Variants in NCOR2 observed in about 807,000 individuals in gnomAD.
NCOR2 encodes nuclear receptor corepressor 2.
NCOR2 carries 81 observed loss-of-function variants against 262.9 expected under a neutral mutation model. That is an observed-to-expected ratio of 0.31 (90% CI 0.26 to 0.37). NCOR2 has a LOEUF of 0.37. Among genes scored for constraint, NCOR2 ranks in the 10% least tolerant of loss-of-function variants. The probability of loss-of-function intolerance (pLI) is 1.00; values close to 1 mark genes in which losing one functional copy is unlikely to be tolerated. For missense variants in NCOR2, 3,385 were observed against 3,621.4 expected (o/e 0.93, Z 1.68); for synonymous variants, 1,659 against 1,559.3 (o/e 1.06, Z -1.51).
intron 1 of NCOR2, among the ~76,000 whole-genome samples, chr12:124,551,774 G>T (rs1378528650): frequency 2.0e-5 from 3 of 152,196 alleles, no homozygotes; most frequent in African/African-American, 7.2e-5. Flanking sequence ...CAGAGGCCTG[G>T]GGGAAGGAGG....
chr12:124,366,630 C>T (rs780188576), intron 20 of NCOR2, among the ~76,000 whole-genome samples: 11 of 152,078 alleles, frequency 7.2e-5, no homozygotes, highest in African/African-American at 1.2e-4. Context: ...CCTCAGCCTC[C>T]GGAATTGCTG....
At chr12:124,519,871 C>T (rs1436518440) in intron 1 of NCOR2, among the ~76,000 whole-genome samples, 2 of 152,128 alleles carry the variant, frequency 1.3e-5, no homozygotes, top group African/African-American at 4.8e-5. Flanking sequence ...GGAGGCTGGC[C>T]CAGAGAGGGT....
At chr12:124,484,078 C>G (rs1273763098) in intron 2 of NCOR2, among the ~76,000 whole-genome samples, 2 of 152,200 alleles carry the variant, frequency 1.3e-5, no homozygotes, top group Non-Finnish European at 2.9e-5. Context: ...CCGTCCCCAC[C>G]TGGGGCTGGC....
chr12:124,434,183 G>A (rs2044197367), intron 8 of NCOR2, among the ~76,000 whole-genome samples: 1 of 152,010 alleles, frequency 6.6e-6, no homozygotes, highest in Non-Finnish European at 1.5e-5. Flanking sequence ...GGGGTCCCCA[G>A]GAACCTGCTA....
intron 33 of NCOR2, among the ~76,000 whole-genome samples, chr12:124,342,280 G>A (rs1022654832): frequency 5.9e-5 from 9 of 152,220 alleles, no homozygotes; most frequent in African/African-American, 1.9e-4. Context: ...TACGAAGGAT[G>A]CTTTTTGCAT....
intron 1 of NCOR2, among the ~76,000 whole-genome samples, chr12:124,545,333 A>C (rs2051506400): frequency 1.3e-5 from 2 of 152,166 alleles, no homozygotes; most frequent in Admixed American, 1.3e-4. Flanking sequence ...GCCAGAGGCC[A>C]GTGACAACAG....
chr12:124,455,373 G>A (rs927889762), intron 6 of NCOR2, among the ~76,000 whole-genome samples: 3 of 152,234 alleles, frequency 2.0e-5, no homozygotes, highest in Non-Finnish European at 2.9e-5. Context: ...AGATCGCCCA[G>A]GCCCGAGGAT....
chr12:124,517,323 G>A lies in NCOR2; in HGVS notation c.-118+18242C>T, dbSNP rs539353996. On this transcript the variant is annotated intron_variant, in intron 1 of 46. Coordinates refer to the NCOR2 transcript ENST00000404621. This position sits in a 1 kb window ranked among gnomAD's most constrained non-coding sequence, Gnocchi z 7.6. The stretch of plus-strand genomic sequence containing the variant: ...CCCGCCACCTCCCTATGGCCGCGGC[G>A]CACCCAGACCTCAGGACAAATCACT... Among the ~76,000 whole-genome samples, 9 of 152,200 alleles carry A rather than the reference G, an allele frequency of 5.9e-5. No individual in the cohort carries two copies. The highest frequency in any genetic ancestry group is 5.8e-4 in the East Asian group (3 of 5,178).
intron 20 of NCOR2, among the ~76,000 whole-genome samples, chr12:124,367,920 C>A (rs1482536474): frequency 6.6e-6 from 1 of 152,266 alleles, no homozygotes; most frequent in Non-Finnish European, 1.5e-5. Flanking sequence ...AGGCATGAGC[C>A]ACCGCGACCG....
intron 44 of NCOR2, chr12:124,329,183 G>A (rs910868956): frequency 2.1e-6 from 1 of 467,748 alleles, no homozygotes; most frequent in Non-Finnish European, 4.4e-6. Context: ...AAATCAGGCT[G>A]GGCGTGACTG....
chr12:124,562,866 C>A (rs1387640029), intron 1 of NCOR2, among the ~76,000 whole-genome samples: 1 of 152,166 alleles, frequency 6.6e-6, no homozygotes, highest in African/African-American at 2.4e-5. Flanking sequence ...TGCTCTCCAA[C>A]AGGATAAGCC....
chr12:124,401,702 T>C (rs60436194), intron 14 of NCOR2, among the ~76,000 whole-genome samples: 3,405 of 152,322 alleles, frequency 0.022, 111 homozygotes, highest in African/African-American at 0.066. Context: ...GGGAGAGTTT[T>C]ACTGCGGGAG....
At chr12:124,386,283 T>C (rs2040799952) in intron 16 of NCOR2, among the ~76,000 whole-genome samples, 1 of 152,030 alleles carries the variant, frequency 6.6e-6, no homozygotes, top group East Asian at 1.9e-4. Flanking sequence ...GCGGAGGGCC[T>C]GGCCTACGTG....
chr12:124,413,949 C>T (rs568307009), intron 13 of NCOR2, among the ~76,000 whole-genome samples: 58 of 151,642 alleles, frequency 3.8e-4, no homozygotes, highest in African/African-American at 1.4e-3. Flanking sequence ...CTCCCACCCA[C>T]CCCATATCAG....
intron 8 of NCOR2, among the ~76,000 whole-genome samples, chr12:124,435,359 C>T (rs1247982993): frequency 6.6e-6 from 1 of 152,136 alleles, no homozygotes; most frequent in Non-Finnish European, 1.5e-5. Context: ...CTCGCACCAG[C>T]CCAAGTGCCT....
chr12:124,471,367 T>A (rs1028411560), intron 4 of NCOR2, among the ~76,000 whole-genome samples: 1 of 152,098 alleles, frequency 6.6e-6, no homozygotes, highest in African/African-American at 2.4e-5. Flanking sequence ...GTTTCTCCCA[T>A]TAGTCTAGAC....
At chr12:124,493,205 A>G (rs1191178764) in intron 1 of NCOR2, among the ~76,000 whole-genome samples, 1 of 152,364 alleles carries the variant, frequency 6.6e-6, no homozygotes, top group African/African-American at 2.4e-5. Flanking sequence ...GTGGGAGAGC[A>G]GAGGCCACAG....
chr12:124,521,463 A>C (rs151009375), intron 1 of NCOR2, among the ~76,000 whole-genome samples: 1 of 152,334 alleles, frequency 6.6e-6, no homozygotes, highest in East Asian at 1.9e-4. Context: ...CACACCATTC[A>C]ACACGGATCA....
intron 13 of NCOR2, among the ~76,000 whole-genome samples, chr12:124,406,528 C>T (rs551313928): frequency 1.5e-4 from 23 of 152,346 alleles, no homozygotes; most frequent in Admixed American, 2.0e-4. Flanking sequence ...ATTCCCTCAA[C>T]GTGAGGGGAC....
Sources: allele counts gnomAD v4.1 joint callset (sites outside exome capture counted in the v4.1 genomes callset), GRCh38; gene constraint gnomAD v4.1.1; non-coding constraint Gnocchi (gnomAD v3.1); transcripts MANE v1.5; gene names NCBI Gene and HGNC (gene_info 2026-07-23, HGNC 2026-07-21).